Variants in IGSF11 observed in about 807,000 individuals in gnomAD.
The protein encoded by IGSF11 is immunoglobulin superfamily member 11, also known as CXADR like 1.
A neutral mutation model predicts 41.0 loss-of-function variants in IGSF11; 22 were observed. The ratio of observed to expected loss-of-function variants is 0.54; its 90% CI spans 0.38 to 0.77. The LOEUF (loss-of-function observed/expected upper bound fraction) is 0.77, where lower values mean the gene tolerates loss of function less well. IGSF11 is among the 30% of genes least tolerant of loss of function. The pLI, the probability that IGSF11 is intolerant of heterozygous loss-of-function variation, is 0.00. For missense variants in IGSF11, 444 were observed against 530.8 expected, an observed-to-expected ratio of 0.84 and a Z score of 1.61; for synonymous variants, 219 against 201.3, an observed-to-expected ratio of 1.09 and a Z score of -0.74.
intron 1 of IGSF11, among the ~76,000 whole-genome samples, chr3:119,066,249 A>C (rs1036576893): frequency 1.3e-5 from 2 of 152,196 alleles, no homozygotes; most frequent in Admixed American, 6.5e-5. Flanking sequence ...TTTCCAAACA[A>C]GGTAACATTT....
At chr3:118,911,650 A>G (rs1296854135) in intron 4 of IGSF11, among the ~76,000 whole-genome samples, 1 of 143,068 alleles carries the variant, frequency 7.0e-6, no homozygotes, top group Non-Finnish European at 1.5e-5. Context: ...AAATGAGAGA[A>G]GAGAGAGAGA....
At chr3:119,142,494 T>C (rs2107551014) in intron 1 of IGSF11, among the ~76,000 whole-genome samples, 1 of 152,176 alleles carries the variant, frequency 6.6e-6, no homozygotes, top group Admixed American at 6.5e-5. Context: ...TTAAATCAAC[T>C]GTCTTAAAAA....
intron 1 of IGSF11, among the ~76,000 whole-genome samples, chr3:118,986,826 A>G (rs1410796316): frequency 6.6e-6 from 1 of 152,206 alleles, no homozygotes. Flanking sequence ...CAATACAAAG[A>G]ATAAATAAAA....
chr3:118,986,348 G>A (rs1935255655), intron 1 of IGSF11, among the ~76,000 whole-genome samples: 1 of 152,154 alleles, frequency 6.6e-6, no homozygotes, highest in Non-Finnish European at 1.5e-5. Context: ...AAAAGAAGCT[G>A]CCTTCTCCAC....
chr3:118,903,763 G>T (rs1939224455), intron 6 of IGSF11, among the ~76,000 whole-genome samples: 1 of 152,182 alleles, frequency 6.6e-6, no homozygotes, highest in African/African-American at 2.4e-5. Context: ...GAAACCTATA[G>T]TCAATGAGGG....
At chr3:119,091,356 T>C (rs2076757535) in intron 1 of IGSF11, among the ~76,000 whole-genome samples, 2 of 152,190 alleles carry the variant, frequency 1.3e-5, no homozygotes, top group African/African-American at 4.8e-5. Flanking sequence ...TTACTGTGTA[T>C]ATACCCAAAA....
rs1400277518 is a variant in IGSF11, at chr3:118,904,750, G to T, written c.752C>A (p.Ala251Glu). Residue 251 changes from alanine to glutamate, a missense_variant, in exon 6 of 7, where the codon GCA (alanine) becomes GAA (glutamate). Physicochemically the swap from Ala to Glu is moderately radical, Grantham distance 107. Transcript: ENST00000393775. ...GLIAGAIGTG[A>E]VIIIFCIALI... ...TGCAATGCAAAAAATGATAATAACT[G>T]CACCAGTGCCAATGGCTCCAGCTAT... is the stretch of plus-strand genomic sequence containing the variant. 6.2e-7 allele frequency: 1 copy of T among 1,613,370 alleles called. No individual in the cohort carries two copies. The highest frequency in any genetic ancestry group is 8.5e-7 in the Non-Finnish European group (1 of 1,179,600).
intron 1 of IGSF11, among the ~76,000 whole-genome samples, chr3:119,078,697 A>T (rs1442485970): frequency 6.6e-6 from 1 of 152,188 alleles, no homozygotes; most frequent in Non-Finnish European, 1.5e-5. Context: ...AATTGCAACA[A>T]AAAGAAAAAT....
At chr3:119,107,371 T>G (rs1375524482), upstream of IGSF11, among the ~76,000 whole-genome samples, 1 of 152,264 alleles carries the variant, frequency 6.6e-6, no homozygotes, top group Non-Finnish European at 1.5e-5. Context: ...GTCTTTTGGC[T>G]GCATAAATGT....
chr3:118,986,132 C>A (rs1302693662), intron 1 of IGSF11, among the ~76,000 whole-genome samples: 1 of 152,146 alleles, frequency 6.6e-6, no homozygotes, highest in Non-Finnish European at 1.5e-5. Flanking sequence ...CTGGAATGTG[C>A]GCCCTCTCTT....
At chr3:119,047,324 T>A (rs1380294485) in intron 1 of IGSF11, among the ~76,000 whole-genome samples, 4 of 151,822 alleles carry the variant, frequency 2.6e-5, no homozygotes, top group Admixed American at 6.6e-5. Flanking sequence ...AATGGAAAAC[T>A]AAAAAAGGCA....
chr3:118,977,072 T>C (rs1007809047), intron 1 of IGSF11, among the ~76,000 whole-genome samples: 9 of 152,232 alleles, frequency 5.9e-5, no homozygotes, highest in Admixed American at 2.0e-4. Flanking sequence ...ACAGTGATCA[T>C]TTATCCCATA....
chr3:119,110,648 T>G (rs973912319), intron 1 of IGSF11, among the ~76,000 whole-genome samples: 18 of 152,340 alleles, frequency 1.2e-4, no homozygotes, highest in Middle Eastern at 3.4e-3. Context: ...GTTAGCTCGT[T>G]ATTTTGCTCA....
Position 118,921,303 on chromosome 3 carries a change from T to C in IGSF11, c.580+4798A>G, listed in dbSNP as rs117731390. ...ACCTAGAACAGTTTCTGGCACCTGA[T>C]AGGTGCTTAACAAACATTGGCGGGA... On this transcript the variant is annotated intron_variant, in intron 4 of 6. Transcript: ENST00000393775. Among the ~76,000 whole-genome samples, 13 of 152,236 alleles carry C rather than the reference T, an allele frequency of 8.5e-5. No homozygotes were observed. The East Asian group carries it at 2.1e-3, about 25-fold the overall frequency.
At chr3:118,942,123 T>C (rs1447265317) in intron 1 of IGSF11, among the ~76,000 whole-genome samples, 2 of 152,370 alleles carry the variant, frequency 1.3e-5, no homozygotes, top group African/African-American at 4.8e-5. Context: ...AGAGGGATTT[T>C]ATTGTATGTA....
intron 1 of IGSF11, among the ~76,000 whole-genome samples, chr3:118,936,675 G>T (rs1297118393): frequency 6.6e-6 from 1 of 152,084 alleles, no homozygotes; most frequent in Non-Finnish European, 1.5e-5. Flanking sequence ...ACATAAAAAG[G>T]ATATAAAGTG....
chr3:119,040,476 G>C, intron 1 of IGSF11, among the ~76,000 whole-genome samples: 1 of 152,114 alleles, frequency 6.6e-6, no homozygotes, highest in Non-Finnish European at 1.5e-5. Flanking sequence ...TTGATGAATT[G>C]GCTCTGTTGA....
chr3:118,997,835 T>C (rs1312362262), intron 1 of IGSF11, among the ~76,000 whole-genome samples: 3 of 152,182 alleles, frequency 2.0e-5, no homozygotes, highest in Non-Finnish European at 4.4e-5. Flanking sequence ...TATTGCAGAT[T>C]TCCTACAGTA....
At chr3:119,000,570 T>C (rs1477492562) in intron 1 of IGSF11, among the ~76,000 whole-genome samples, 2 of 151,472 alleles carry the variant, frequency 1.3e-5, no homozygotes, top group Admixed American at 1.3e-4. Flanking sequence ...CACCAAGAAA[T>C]CCTGTAGGTT....
Sources: allele counts gnomAD v4.1 joint callset (sites outside exome capture counted in the v4.1 genomes callset), GRCh38; gene constraint gnomAD v4.1.1; transcripts MANE v1.5; gene names NCBI Gene and HGNC (gene_info 2026-07-23, HGNC 2026-07-21).